The following SH3BP1 variants were observed in gnomAD, a reference collection of about 807,000 sequenced individuals.
SH3BP1 encodes the protein SH3 domain binding protein 1.
Under a neutral mutation model 69.8 loss-of-function variants are expected in SH3BP1, and 46 were observed. The observed-to-expected ratio is 0.66, with a 90% CI of 0.52 to 0.84. SH3BP1 has a LOEUF of 0.84. Ranked by LOEUF, SH3BP1 falls within the 40% of genes least tolerant of loss-of-function variation. The probability of loss-of-function intolerance (pLI) is 0.00; values close to 1 mark genes in which losing one functional copy is unlikely to be tolerated. For missense variants in SH3BP1, 868 were observed against 930.9 expected, an observed-to-expected ratio of 0.93 and a Z score of 0.88; for synonymous variants, 403 against 378.0, an observed-to-expected ratio of 1.07 and a Z score of -0.77.
At position 37,644,621 on chromosome 22, in the gene SH3BP1, CCT is replaced by C. The variant is rs1932748357; in HGVS notation, c.619-11_619-10del. On this transcript the variant is annotated splice_polypyrimidine_tract_variant and intron_variant, in intron 7 of 17. Coordinates refer to ENST00000649765, the MANE Select transcript of SH3BP1 (RefSeq NM_018957.6). ...CAGCCTCACCCAACGTAAGCTCTCC[CCT>C]CTCTGTCCCCAAGGACGAGTACTTG... 1.2e-6 allele frequency: 2 copies of C among 1,613,938 alleles called. No individual in the cohort carries two copies. Among genetic ancestry groups the C allele is most frequent in the Non-Finnish European group, 8.5e-7 (1 of 1,179,796 alleles).
rs923880463 is a variant in SH3BP1, at chr22:37,639,726, C to T, written c.-62C>T. On this transcript the variant is annotated 5_prime_UTR_variant, in exon 1 of 18. Coordinates refer to ENST00000649765, the MANE Select transcript of SH3BP1 (RefSeq NM_018957.6). Reference sequence around the variant, plus strand: ...CGCGCCGCAGGAGAGGCAGGCTGGACCGGGGGCTCCCCGGGCCCGCGACCC... The same window carrying T: ...CGCGCCGCAGGAGAGGCAGGCTGGATCGGGGGCTCCCCGGGCCCGCGACCC... The T allele has an allele frequency of 3.6e-6, 4 of 1,110,180 alleles. No homozygotes were observed. The highest frequency in any genetic ancestry group is 5.0e-6 in the Non-Finnish European group (4 of 797,828). The allele number at this position is 1,110,180 out of a possible 1,614,324, so 68.8% of individuals were successfully genotyped here. A position where few individuals can be genotyped will look rare whatever the true frequency, so the allele number is the denominator to read the frequency against.
At chr22:37,641,233 G>A (rs76166598) in intron 2 of SH3BP1, 65 bp downstream of exon 2, 124,602 of 1,528,562 alleles carry the variant, frequency 0.082, 5,695 homozygotes, top group African/African-American at 0.16. Flanking sequence ...GCAGAGGGCC[G>A]GGGCGGGGAC....
At position 37,650,135 on chromosome 22, in the gene SH3BP1, G is replaced by A. The variant is rs978235117; in HGVS notation, c.1317-17G>A. Reference sequence around the variant, plus strand: ...GTCACAAACCCTTTGCTGAGCAGATGCATCTCTTTGTCCCAGGGACCAGGC... The same window carrying A: ...GTCACAAACCCTTTGCTGAGCAGATACATCTCTTTGTCCCAGGGACCAGGC... On this transcript the variant is annotated splice_polypyrimidine_tract_variant and intron_variant, in intron 14 of 17. Transcript: ENST00000649765. 1.2e-6 allele frequency: 2 copies of A among 1,613,850 alleles called. No individual in the cohort carries two copies. Among genetic ancestry groups the A allele is most frequent in the African/African-American group, 2.7e-5 (2 of 74,924 alleles).
intron 17 of SH3BP1, 102 bp from the exon 18 acceptor site, chr22:37,655,170 G>C: frequency 1.2e-6 from 1 of 806,456 alleles, no homozygotes; most frequent in South Asian, 1.8e-5. Flanking sequence ...TCCCGGCAGA[G>C]GGAACAGCAG....
chr22:37,644,855 C>T lies in SH3BP1; in HGVS notation c.688-15C>T. ...TTCCCCCACTTCCGCTCAGGGTGTCCCTTCATCCCCACAGCTCCTGGAGAT... is the reference window on the plus strand; with the variant it reads ...TTCCCCCACTTCCGCTCAGGGTGTCTCTTCATCCCCACAGCTCCTGGAGAT... On this transcript the variant is annotated splice_polypyrimidine_tract_variant and intron_variant, in intron 8 of 17. Coordinates refer to ENST00000649765, the MANE Select transcript of SH3BP1 (RefSeq NM_018957.6). 1 of 1,613,674 alleles carries T rather than the reference C, an allele frequency of 6.2e-7. No homozygotes were observed. The highest frequency in any genetic ancestry group is 8.5e-7 in the Non-Finnish European group (1 of 1,179,706).
intron 7 of SH3BP1, among the ~76,000 whole-genome samples, chr22:37,644,188 G>C (rs765357813): frequency 9.9e-5 from 15 of 152,208 alleles, no homozygotes; most frequent in Non-Finnish European, 2.1e-4. Context: ...GACCAGCCTG[G>C]CCAACATGGT....
chr22:37,648,455 G>T lies in SH3BP1; in HGVS notation c.1316+20G>T. 1.3e-6 allele frequency: 2 copies of T among 1,500,956 alleles called. No individual in the cohort carries two copies. Among genetic ancestry groups the T allele is most frequent in the African/African-American group, 1.4e-5 (1 of 72,992 alleles). The allele number at this position is 1,500,956 out of a possible 1,614,324, so 93.0% of individuals were successfully genotyped here. A position where few individuals can be genotyped will look rare whatever the true frequency, so the allele number is the denominator to read the frequency against. Reference sequence around the variant, plus strand: ...AGAAGGGTGAGGGGCCGCGGGCTGGGGGAGGTGGCAGGAGGAAGGCAGATC... The same window carrying T: ...AGAAGGGTGAGGGGCCGCGGGCTGGTGGAGGTGGCAGGAGGAAGGCAGATC... On this transcript the variant is annotated intron_variant, in intron 14 of 17. Transcript: ENST00000649765.
Position 37,656,042 on chromosome 22 carries a change from GA to G in SH3BP1, c.*359del, listed in dbSNP as rs1362264047. The G allele has an allele frequency of 7.2e-7, 1 of 1,391,648 alleles. No individual in the cohort carries two copies. The highest frequency in any genetic ancestry group is 9.5e-7 in the Non-Finnish European group (1 of 1,049,942). The allele number at this position is 1,391,648 out of a possible 1,614,324, so 86.2% of individuals were successfully genotyped here. A position where few individuals can be genotyped will look rare whatever the true frequency, so the allele number is the denominator to read the frequency against. Reference sequence around the variant, plus strand: ...AAATAAATTATTTTGGACAAAACTGGAGCAGCTGCCCAAATGATAGTTTTAT... The same window carrying G: ...AAATAAATTATTTTGGACAAAACTGGGCAGCTGCCCAAATGATAGTTTTAT... On this transcript the variant is annotated 3_prime_UTR_variant, in exon 18 of 18. Coordinates refer to ENST00000649765, the MANE Select transcript of SH3BP1 (RefSeq NM_018957.6).
At position 37,656,023 on chromosome 22, in the gene SH3BP1, A is replaced by C. The variant is rs747196306; in HGVS notation, c.*339A>C. On this transcript the variant is annotated 3_prime_UTR_variant, in exon 18 of 18. Transcript: ENST00000649765. ...TGTTTTTTGTAAGGCTGGTAAATAA[A>C]TTATTTTGGACAAAACTGGAGCAGC... 1.0e-4 allele frequency: 143 copies of C among 1,418,724 alleles called. No individual in the cohort carries two copies. The highest frequency in any genetic ancestry group is 1.3e-4 in the Non-Finnish European group (141 of 1,066,670). The allele number at this position is 1,418,724 out of a possible 1,614,324, so 87.9% of individuals were successfully genotyped here.
rs561092121 is a variant in SH3BP1, at chr22:37,644,438, G to A, written c.619-199G>A. ...AAGTCTATGGAGACACAGAGATGGGGACGAGAAGCCAGAAAAGTTTGAGGG... is the reference window on the plus strand; with the variant it reads ...AAGTCTATGGAGACACAGAGATGGGAACGAGAAGCCAGAAAAGTTTGAGGG... On this transcript the variant is annotated intron_variant, in intron 7 of 17. Coordinates refer to ENST00000649765, the MANE Select transcript of SH3BP1 (RefSeq NM_018957.6). Among the ~76,000 whole-genome samples the A allele has an allele frequency of 4.6e-5, 7 of 152,358 alleles. No homozygotes were observed. The South Asian group carries it at 1.4e-3, about 32-fold the overall frequency.
At position 37,647,489 on chromosome 22, in the gene SH3BP1, C is replaced by T; in HGVS notation, c.1167C>T (p.Ser389=). 6 of 1,607,038 alleles carry T rather than the reference C, an allele frequency of 3.7e-6. No homozygotes were observed. The South Asian group carries it at 4.4e-5, about 12-fold the overall frequency. Reference sequence around the variant, plus strand: ...TGCAGGCCCTCCAAGAGGTGTGCAGCCGCCTACCCCCCGAGAACCTCAGCA... The same window carrying T: ...TGCAGGCCCTCCAAGAGGTGTGCAGTCGCCTACCCCCCGAGAACCTCAGCA... The part of the protein sequence containing the change: ...ARLQALQEVC[S]RLPPENLSNL... The change falls in exon 13 of 18, where the codon AGC becomes AGT. Residue 389 remains serine (S), a synonymous_variant. Coordinates refer to ENST00000649765, the MANE Select transcript of SH3BP1 (RefSeq NM_018957.6).
intron 3 of SH3BP1, chr22:37,642,243 A>G: frequency 2.4e-6 from 1 of 424,116 alleles, no homozygotes; most frequent in South Asian, 2.6e-5. Flanking sequence ...ACCTGGGGCA[A>G]GCTCCCTGCC....
chr22:37,645,280 C>T (rs978172395), intron 9 of SH3BP1, 85 bp from the exon 10 acceptor site: 1 of 1,505,534 alleles, frequency 6.6e-7, no homozygotes, highest in Non-Finnish European at 9.0e-7. Flanking sequence ...GGTGGTACCA[C>T]CTTGAGGACA....
At chr22:37,647,385 G>A (rs1932803005) in intron 12 of SH3BP1, 37 bp downstream of exon 12, 1 of 1,613,166 alleles carries the variant, frequency 6.2e-7, no homozygotes, top group South Asian at 1.1e-5. Context: ...TGGGGAGGAG[G>A]AGGATGCAAA....
At chr22:37,645,960 C>CTTTTT (rs11329854) in intron 10 of SH3BP1, among the ~76,000 whole-genome samples, 4 of 126,280 alleles carry the variant, frequency 3.2e-5, no homozygotes, top group African/African-American at 1.0e-4. Context: ...CTCCCTTACA[C>CTTTTT]TTTTTTTTTT....
At chr22:37,640,165 C>T (rs1932531484) in intron 1 of SH3BP1, among the ~76,000 whole-genome samples, 1 of 152,148 alleles carries the variant, frequency 6.6e-6, no homozygotes, top group African/African-American at 2.4e-5. Flanking sequence ...GATGGTCCTC[C>T]TGACCTCACT....
At chr22:37,643,512 C>A (rs1423167329) in intron 6 of SH3BP1, 132 bp from the exon 7 acceptor site, 4 of 1,311,198 alleles carry the variant, frequency 3.1e-6, no homozygotes, top group Non-Finnish European at 4.2e-6. Flanking sequence ...TGGGCAGAGG[C>A]CCCGGCCAGT....
intron 4 of SH3BP1, 22 bp from the exon 5 acceptor site, chr22:37,642,873 C>T: frequency 6.2e-7 from 1 of 1,605,966 alleles, no homozygotes; most frequent in Non-Finnish European, 8.5e-7. Context: ...GCGCCTGGAC[C>T]CATGGGGTGC....
In SH3BP1 at chr22:37,641,114, C is replaced by CACA; in HGVS notation, c.60-10_60-9insAAC. 1 of 1,358,282 alleles carries CACA rather than the reference C, an allele frequency of 7.4e-7. No individual in the cohort carries two copies. The highest frequency in any genetic ancestry group is 1.0e-6 in the Non-Finnish European group (1 of 984,238). The allele number at this position is 1,358,282 out of a possible 1,614,324, so 84.1% of individuals were successfully genotyped here. On this transcript the variant is annotated splice_polypyrimidine_tract_variant and intron_variant, in intron 1 of 17. Transcript: ENST00000649765. ...GAAGCACTCTCCCCCCCCCCCCCAC[C>CACA]ACTCCCCGCAGCACCCCGGAGACCG...
Sources: allele counts gnomAD v4.1 joint callset (sites outside exome capture counted in the v4.1 genomes callset), GRCh38; gene constraint gnomAD v4.1.1; transcripts MANE v1.5; gene names NCBI Gene and HGNC (gene_info 2026-07-23, HGNC 2026-07-21).